Variants in ALCAM observed in about 807,000 individuals in gnomAD.
ALCAM encodes the protein activated leukocyte cell adhesion molecule, also known as CD166 antigen.
Under a neutral mutation model 70.9 loss-of-function variants are expected in ALCAM, and 30 were observed. That is an observed-to-expected ratio of 0.42 (90% CI 0.32 to 0.57). The LOEUF is 0.57. Ranked by LOEUF, ALCAM falls within the 20% of genes least tolerant of loss-of-function variation. The pLI is 0.11. For synonymous variants in ALCAM, 249 were observed against 242.5 expected, an observed-to-expected ratio of 1.03 and a Z score of -0.25; for missense variants, 591 against 695.1, an observed-to-expected ratio of 0.85 and a Z score of 1.68.
chr3:105,516,035 T>C (rs1252117275), intron 1 of ALCAM, among the ~76,000 whole-genome samples: 1 of 151,948 alleles, frequency 6.6e-6, no homozygotes, highest in Admixed American at 6.6e-5. Context: ...CAAAACTTCT[T>C]TTACGGATGA....
intron 1 of ALCAM, among the ~76,000 whole-genome samples, chr3:105,397,985 A>G (rs1935995692): frequency 6.6e-6 from 1 of 152,104 alleles, no homozygotes; most frequent in African/African-American, 2.4e-5. Context: ...TAAAGAAAAC[A>G]TGGTCCTATG....
At chr3:105,376,693 A>G (rs1935387138) in intron 1 of ALCAM, among the ~76,000 whole-genome samples, 1 of 152,234 alleles carries the variant, frequency 6.6e-6, no homozygotes, top group Non-Finnish European at 1.5e-5. Context: ...GCATTTTACA[A>G]CAAAGGGGCC....
chr3:105,561,668 A>G (rs1267796907), intron 14 of ALCAM, among the ~76,000 whole-genome samples: 1 of 152,120 alleles, frequency 6.6e-6, no homozygotes, highest in Non-Finnish European at 1.5e-5. Context: ...CTGACACCAA[A>G]TGCAAGTTTT....
intron 4 of ALCAM, among the ~76,000 whole-genome samples, chr3:105,532,667 G>A (rs1241962878): frequency 6.6e-6 from 1 of 152,126 alleles, no homozygotes; most frequent in East Asian, 1.9e-4. Flanking sequence ...GCCAAAGGTA[G>A]AAATGGCTTT....
intron 1 of ALCAM, among the ~76,000 whole-genome samples, chr3:105,404,645 C>A (rs1214150667): frequency 6.7e-6 from 1 of 150,078 alleles, no homozygotes; most frequent in Non-Finnish European, 1.5e-5. Context: ...AAGCATAAAT[C>A]TCACAGGACC....
rs369718213 is a variant in ALCAM at position 105,502,166 on chromosome 3, T to C, written c.74-17901T>C. Among the ~76,000 whole-genome samples the C allele has an allele frequency of 6.6e-4, 100 of 152,336 alleles. 1 individual carries two copies. In the South Asian group the frequency reaches 0.02, roughly 31 times the overall value. ...ATTGGAGAATCTGAATCCTAGAATA[T>C]TTAAGCCTTGTCTTATATCATATTA... is the stretch of plus-strand genomic sequence containing the variant. On this transcript the variant is annotated intron_variant, in intron 1 of 15. Coordinates refer to ENST00000306107, the MANE Select transcript of ALCAM (RefSeq NM_001627.4).
intron 1 of ALCAM, among the ~76,000 whole-genome samples, chr3:105,390,039 A>G (rs569474650): frequency 5.3e-5 from 8 of 152,034 alleles, no homozygotes; most frequent in African/African-American, 1.7e-4. Flanking sequence ...TAGTGCTGCA[A>G]TGATCATACC....
chr3:105,465,554 C>A (rs1048817094), intron 1 of ALCAM, among the ~76,000 whole-genome samples: 2 of 151,348 alleles, frequency 1.3e-5, no homozygotes, highest in African/African-American at 4.8e-5. Flanking sequence ...AGTTTGTTAC[C>A]AGTTTTAGCA....
At chr3:105,401,504 T>C (rs1041455384) in intron 1 of ALCAM, among the ~76,000 whole-genome samples, 1 of 152,206 alleles carries the variant, frequency 6.6e-6, no homozygotes, top group Non-Finnish European at 1.5e-5. Flanking sequence ...TGTTTATTCA[T>C]TCATTCATCC....
intron 1 of ALCAM, among the ~76,000 whole-genome samples, chr3:105,510,994 T>C (rs1389427010): frequency 2.0e-5 from 3 of 152,026 alleles, no homozygotes; most frequent in Non-Finnish European, 4.4e-5. Context: ...CCCTTAGAAA[T>C]GATAAAACTA....
chr3:105,563,667 C>CTTTTTTTTTTTTTTTTTTTTTTT (rs749625480), intron 14 of ALCAM, among the ~76,000 whole-genome samples: 2 of 52,046 alleles, frequency 3.8e-5, no homozygotes, highest in Non-Finnish European at 6.1e-5. Flanking sequence ...CCAAGCATTT[C>CTTTTTTTTTTTTTTTTTTTTTTT]TTTTTTTTTT....
chr3:105,381,884 TC>T (rs1935530674), intron 1 of ALCAM, among the ~76,000 whole-genome samples: 1 of 148,468 alleles, frequency 6.7e-6, no homozygotes, highest in South Asian at 2.2e-4. Context: ...CTGAATCAAC[TC>T]TTTTTTTTAT....
intron 1 of ALCAM, among the ~76,000 whole-genome samples, chr3:105,470,456 T>C (rs770406455): frequency 1.3e-5 from 2 of 151,246 alleles, no homozygotes; most frequent in South Asian, 4.1e-4. Context: ...ACCATGTTCA[T>C]AGAAGTTAGG....
chr3:105,520,988 G>T (rs1159536482), intron 2 of ALCAM, among the ~76,000 whole-genome samples: 2 of 152,164 alleles, frequency 1.3e-5, no homozygotes, highest in African/African-American at 4.8e-5. Context: ...AAAAGAATTT[G>T]ATGGTCAAAT....
At chr3:105,553,061 G>C in intron 14 of ALCAM, 1 of 997,074 alleles carries the variant, frequency 1.0e-6, no homozygotes. Flanking sequence ...AGTTGACTTT[G>C]ATCCATATAA....
At chr3:105,536,294 A>T (rs1367496347) in intron 6 of ALCAM, among the ~76,000 whole-genome samples, 1 of 151,984 alleles carries the variant, frequency 6.6e-6, no homozygotes, top group Admixed American at 6.6e-5. Context: ...GGGTTCCACC[A>T]TGTTGGTCAG....
chr3:105,509,913 A>G (rs911991505), intron 1 of ALCAM, among the ~76,000 whole-genome samples: 8 of 151,772 alleles, frequency 5.3e-5, no homozygotes, highest in Non-Finnish European at 1.0e-4. Context: ...TTTTATTTTT[A>G]ATTTAACTAA....
intron 1 of ALCAM, among the ~76,000 whole-genome samples, chr3:105,419,361 A>G (rs1047573614): frequency 6.6e-6 from 1 of 151,810 alleles, no homozygotes; most frequent in East Asian, 1.9e-4. Context: ...AGAAACAGGT[A>G]CATTCTGACT....
chr3:105,482,137 C>T (rs1370776000), intron 1 of ALCAM, among the ~76,000 whole-genome samples: 3 of 152,058 alleles, frequency 2.0e-5, no homozygotes, highest in Non-Finnish European at 2.9e-5. Context: ...TTTTTTGAGA[C>T]AGTCTCACTC....
Sources: gnomAD v4.1 joint callset for allele counts (sites outside exome capture counted in the v4.1 genomes callset) on GRCh38, gnomAD v4.1.1 for gene constraint, MANE v1.5 for transcripts, NCBI Gene and HGNC (gene_info 2026-07-23, HGNC 2026-07-21) for gene names.